The following SLC4A10 variants were observed in gnomAD, a reference collection of about 807,000 sequenced individuals.
SLC4A10 encodes the protein sodium-driven chloride bicarbonate exchanger.
SLC4A10 carries 42 observed loss-of-function variants against 137.7 expected under a neutral mutation model. The ratio of observed to expected loss-of-function variants is 0.30; its 90% confidence interval spans 0.24 to 0.39. SLC4A10 has a LOEUF of 0.39. SLC4A10 is among the 10% of genes least tolerant of loss of function. The pLI is 1.00. For missense variants in SLC4A10, 925 were observed against 1,355.0 expected (o/e 0.68, Z 4.98); for synonymous variants, 474 against 464.1 (o/e 1.02, Z -0.27).
At chr2:161,850,689 T>A (rs2059778979) in intron 4 of SLC4A10, among the ~76,000 whole-genome samples, 1 of 152,172 alleles carries the variant, frequency 6.6e-6, no homozygotes, top group Non-Finnish European at 1.5e-5. Flanking sequence ...TTTTGTGTGA[T>A]TTTTCTCATC....
intron 2 of SLC4A10, among the ~76,000 whole-genome samples, chr2:161,777,659 C>T (rs555862658): frequency 2.0e-5 from 3 of 151,976 alleles, no homozygotes; most frequent in Middle Eastern, 3.4e-3. Flanking sequence ...GAGAAGCTCC[C>T]GTTTTTAAAA....
chr2:161,729,355 C>T (rs1007979834), intron 1 of SLC4A10, among the ~76,000 whole-genome samples: 2 of 152,022 alleles, frequency 1.3e-5, no homozygotes, highest in African/African-American at 2.4e-5. Flanking sequence ...TTTCCAGATA[C>T]AAGGTTAAAC....
intron 1 of SLC4A10, among the ~76,000 whole-genome samples, chr2:161,672,582 T>C (rs1309316439): frequency 3.9e-5 from 6 of 152,172 alleles, no homozygotes; most frequent in Non-Finnish European, 8.8e-5. Context: ...TTACTGATTT[T>C]CTTCATCAGC....
At chr2:161,895,320 C>T (rs2063353567) in intron 11 of SLC4A10, among the ~76,000 whole-genome samples, 1 of 152,046 alleles carries the variant, frequency 6.6e-6, no homozygotes. Context: ...CATTGTTGGA[C>T]ATTTGGGTTG....
intron 1 of SLC4A10, among the ~76,000 whole-genome samples, chr2:161,640,319 T>C (rs970763497): frequency 6.6e-6 from 1 of 151,558 alleles, no homozygotes; most frequent in East Asian, 1.9e-4. Context: ...TACCACAGAG[T>C]TTTTCAACAT....
intron 1 of SLC4A10, among the ~76,000 whole-genome samples, chr2:161,761,095 A>G (rs1039890622): frequency 2.6e-5 from 4 of 152,090 alleles, no homozygotes; most frequent in Admixed American, 1.3e-4. Context: ...CACTCAAGAC[A>G]GAGAGATTAC....
chr2:161,783,311 A>C (rs1315246641), intron 2 of SLC4A10, among the ~76,000 whole-genome samples: 1 of 151,952 alleles, frequency 6.6e-6, no homozygotes, highest in Non-Finnish European at 1.5e-5. Flanking sequence ...TTCCAGACAA[A>C]CAAAAACTAA....
At chr2:161,722,161 C>T (rs1308403363) in intron 1 of SLC4A10, among the ~76,000 whole-genome samples, 2 of 152,210 alleles carry the variant, frequency 1.3e-5, no homozygotes, top group Non-Finnish European at 2.9e-5. Context: ...TTATTACTCA[C>T]CTTCTGCAGC....
chr2:161,939,646 G>GT (rs1170174173), intron 15 of SLC4A10, among the ~76,000 whole-genome samples: 1 of 151,900 alleles, frequency 6.6e-6, no homozygotes, highest in African/African-American at 2.4e-5. Context: ...CCCCAACTCC[G>GT]TTGTAGCGGC....
At chr2:161,925,401 C>T (rs1688887030) in intron 15 of SLC4A10, among the ~76,000 whole-genome samples, 1 of 151,884 alleles carries the variant, frequency 6.6e-6, no homozygotes, top group South Asian at 2.1e-4. Context: ...ATATATATCC[C>T]CTTTATCATT....
At chr2:161,818,255 G>A (rs1033570907) in intron 3 of SLC4A10, among the ~76,000 whole-genome samples, 26 of 152,128 alleles carry the variant, frequency 1.7e-4, no homozygotes, top group African/African-American at 6.3e-4. Flanking sequence ...GTGAATGGGA[G>A]TTCATTCATG....
intron 3 of SLC4A10, among the ~76,000 whole-genome samples, chr2:161,811,427 T>A (rs554005911): frequency 1.3e-5 from 2 of 151,930 alleles, no homozygotes; most frequent in South Asian, 4.1e-4. Context: ...TATGTTGGGG[T>A]TCCTCCATTT....
At position 161,900,988 on chromosome 2, in the gene SLC4A10, A is replaced by G. The variant is rs1276693318; in HGVS notation, c.1419A>G (p.Gly473=). ...GEAEPHGGHS[G]PELQRTGRIF... is the part of the protein sequence containing the mutation. ...CAGAGCCCCACGGAGGACATAGTGG[A>G]CCTGAACTCCAGCGAACTGGAAGGT... The change falls in exon 12 of 27, where the codon GGA becomes GGG. Residue 473 remains glycine (G), a synonymous_variant. Coordinates refer to ENST00000446997, the MANE Select transcript of SLC4A10 (RefSeq NM_001178015.2). The G allele has an allele frequency of 6.4e-7, 1 of 1,567,216 alleles. No homozygotes were observed. The highest frequency in any genetic ancestry group is 8.7e-7 in the Non-Finnish European group (1 of 1,155,304).
chr2:161,881,612 A>G (rs1042237363), intron 9 of SLC4A10, among the ~76,000 whole-genome samples: 3 of 152,078 alleles, frequency 2.0e-5, no homozygotes, highest in Non-Finnish European at 4.4e-5. Flanking sequence ...ATGGCAGAAT[A>G]TAGGGCATTC....
At chr2:161,947,236 A>G (rs116669970) in intron 16 of SLC4A10, among the ~76,000 whole-genome samples, 313 of 152,280 alleles carry the variant, frequency 2.1e-3, no homozygotes, top group Non-Finnish European at 3.6e-3. Flanking sequence ...AATCACTATT[A>G]CATATGTCAT....
intron 1 of SLC4A10, among the ~76,000 whole-genome samples, chr2:161,660,824 T>A (rs952216344): frequency 6.6e-6 from 1 of 151,258 alleles, no homozygotes; most frequent in African/African-American, 2.4e-5. Flanking sequence ...CAGCTAATTT[T>A]TTTTTTATTT....
At chr2:161,948,367 C>T (rs1025291308) in intron 17 of SLC4A10, among the ~76,000 whole-genome samples, 2 of 152,124 alleles carry the variant, frequency 1.3e-5, no homozygotes, top group African/African-American at 4.8e-5. Flanking sequence ...AAGAACTGTT[C>T]CTTCCGAAGG....
intron 1 of SLC4A10, among the ~76,000 whole-genome samples, chr2:161,717,777 G>A (rs1422733663): frequency 1.3e-5 from 2 of 152,088 alleles, no homozygotes; most frequent in Non-Finnish European, 2.9e-5. Context: ...TCTCTCCCAG[G>A]TTTTGGTGTG....
intron 2 of SLC4A10, among the ~76,000 whole-genome samples, chr2:161,780,146 G>A (rs2052840642): frequency 6.6e-6 from 1 of 151,994 alleles, no homozygotes; most frequent in South Asian, 2.1e-4. Context: ...TGATTGTCAT[G>A]CTTTTATAGC....
Sources: gnomAD v4.1 joint callset for allele counts (sites outside exome capture counted in the v4.1 genomes callset) on GRCh38, gnomAD v4.1.1 for gene constraint, MANE v1.5 for transcripts, NCBI Gene and HGNC (gene_info 2026-07-23, HGNC 2026-07-21) for gene names.